Variants in SASH1 observed in about 807,000 individuals in gnomAD.
SASH1 encodes the protein SAM and SH3 domain-containing protein 1.
SASH1 carries 44 observed loss-of-function variants against 125.2 expected under a neutral mutation model. The observed-to-expected ratio is 0.35, with a 90% CI of 0.28 to 0.45. The LOEUF (loss-of-function observed/expected upper bound fraction) is 0.45. SASH1 is among the 20% of genes least tolerant of loss of function. SASH1 has a pLI of 1.00. For missense variants in SASH1, 1,426 were observed against 1,614.5 expected (o/e 0.88, Z 2.00); for synonymous variants, 639 against 649.1 (o/e 0.98, Z 0.24).
intron 18 of SASH1, among the ~76,000 whole-genome samples, chr6:148,545,419 G>A (rs1171206275): frequency 6.6e-6 from 1 of 152,188 alleles, no homozygotes; most frequent in Non-Finnish European, 1.5e-5. Context: ...GATATTTCCT[G>A]AGTGAATGTC....
In SASH1 at chr6:148,540,471, G is replaced by A; in HGVS notation, c.2124G>A (p.Glu708=). ...ACAGCGACCAGTCAGGATCCCAGGAGAAGCTGCTCGTTGACAGCCAGGGCC... is the reference window on the plus strand; with the variant it reads ...ACAGCGACCAGTCAGGATCCCAGGAAAAGCTGCTCGTTGACAGCCAGGGCC... The part of the protein sequence containing the change: ...DSNSDQSGSQ[E]KLLVDSQGLS... Residue 708 remains glutamate, a synonymous_variant, in exon 17 of 20, where the codon GAG becomes GAA. Coordinates refer to ENST00000367467, the MANE Select transcript of SASH1 (RefSeq NM_015278.5). The A allele has an allele frequency of 6.2e-7, 1 of 1,614,060 alleles. No homozygotes were observed.
chr6:148,358,280 G>A (rs879348969), intron 1 of SASH1, among the ~76,000 whole-genome samples: 5 of 152,136 alleles, frequency 3.3e-5, no homozygotes, highest in East Asian at 1.9e-4. Context: ...GTAGGTCACC[G>A]ATGGCTCCCA....
intron 1 of SASH1, among the ~76,000 whole-genome samples, chr6:148,372,046 A>G (rs540588779): frequency 6.6e-6 from 1 of 152,314 alleles, no homozygotes; most frequent in African/African-American, 2.4e-5. Context: ...ATTTTTATAA[A>G]ATGGGATAAT....
intron 1 of SASH1, among the ~76,000 whole-genome samples, chr6:148,316,198 A>T (rs1413055609): frequency 6.6e-6 from 1 of 152,180 alleles, no homozygotes; most frequent in East Asian, 1.9e-4. Context: ...TTTCTTGTCA[A>T]GTTTTACCCT....
chr6:148,425,785 G>A (rs1775793706), intron 2 of SASH1, among the ~76,000 whole-genome samples: 2 of 140,864 alleles, frequency 1.4e-5, no homozygotes, highest in South Asian at 4.7e-4. Flanking sequence ...AGGCTGGAAT[G>A]CAATGGCACA....
the SASH1 span, among the ~76,000 whole-genome samples, chr6:148,214,197 A>G: frequency 1.3e-5 from 2 of 152,198 alleles, no homozygotes; most frequent in Non-Finnish European, 1.5e-5. Flanking sequence ...ACTGAGGTCT[A>G]ATTCTGATTT....
the SASH1 span, among the ~76,000 whole-genome samples, chr6:148,254,023 T>C: frequency 6.6e-6 from 1 of 151,938 alleles, no homozygotes; most frequent in African/African-American, 2.4e-5. Context: ...CTGGACAACA[T>C]GGTGGAACTC....
At chr6:148,226,090 A>C in the SASH1 span, among the ~76,000 whole-genome samples, 1 of 152,222 alleles carries the variant, frequency 6.6e-6, no homozygotes, top group Non-Finnish European at 1.5e-5. Flanking sequence ...TCTCTGGGGA[A>C]ACAAACAGGC....
intron 2 of SASH1, among the ~76,000 whole-genome samples, chr6:148,408,354 C>T (rs999381455): frequency 1.3e-5 from 2 of 152,116 alleles, no homozygotes; most frequent in South Asian, 2.1e-4. Context: ...GATCCGCCCG[C>T]CTCAGCCTCC....
chr6:148,380,701 A>G (rs1160468307), intron 1 of SASH1, among the ~76,000 whole-genome samples: 1 of 152,074 alleles, frequency 6.6e-6, no homozygotes, highest in Non-Finnish European at 1.5e-5. Context: ...TTTTCTCCAC[A>G]TTTTCAAGTT....
At chr6:148,547,513 T>C (rs1782641380) in intron 19 of SASH1, among the ~76,000 whole-genome samples, 2 of 152,238 alleles carry the variant, frequency 1.3e-5, no homozygotes, top group Non-Finnish European at 2.9e-5. Flanking sequence ...CAAAGTATTC[T>C]AGTAGGTCAG....
intron 1 of SASH1, among the ~76,000 whole-genome samples, chr6:148,301,455 A>C (rs1431860131): frequency 6.6e-6 from 1 of 151,650 alleles, no homozygotes; most frequent in East Asian, 2.0e-4. Context: ...TGGTAGAGAC[A>C]GGGTTTCGCC....
intron 4 of SASH1, among the ~76,000 whole-genome samples, chr6:148,443,417 A>G (rs1324855290): frequency 6.8e-6 from 1 of 147,900 alleles, no homozygotes; most frequent in Non-Finnish European, 1.5e-5. Context: ...AGAAGTTACA[A>G]TTTCTTCTTT....
chr6:148,321,443 A>C (rs992390975), intron 1 of SASH1, among the ~76,000 whole-genome samples: 2 of 152,064 alleles, frequency 1.3e-5, no homozygotes, highest in Non-Finnish European at 2.9e-5. Flanking sequence ...ATGAAAGATC[A>C]AAATGAAGCT....
chr6:148,269,704 A>G (rs1237383523), upstream of SASH1, among the ~76,000 whole-genome samples: 1 of 152,140 alleles, frequency 6.6e-6, no homozygotes, highest in Non-Finnish European at 1.5e-5. Context: ...TAAAGATCCT[A>G]TCTTCAAATA....
chr6:148,470,107 T>C (rs1395489110), intron 5 of SASH1, among the ~76,000 whole-genome samples: 5 of 151,922 alleles, frequency 3.3e-5, no homozygotes, highest in East Asian at 1.9e-4. Context: ...AAGAGCAAGA[T>C]TGAGTTAATA....
intron 1 of SASH1, among the ~76,000 whole-genome samples, chr6:148,363,096 G>A (rs1562352715): frequency 6.6e-6 from 1 of 152,174 alleles, no homozygotes; most frequent in Non-Finnish European, 1.5e-5. Context: ...CCTGGCCAAG[G>A]GTTTTGGGCA....
intron 1 of SASH1, among the ~76,000 whole-genome samples, chr6:148,349,218 G>A (rs1413573086): frequency 7.6e-6 from 1 of 131,868 alleles, no homozygotes; most frequent in Admixed American, 7.5e-5. Flanking sequence ...TTTTGGAAAA[G>A]TAACTTTTTT....
intron 10 of SASH1, chr6:148,520,155 A>G (rs1583293315): frequency 2.2e-6 from 1 of 451,144 alleles, no homozygotes; most frequent in Non-Finnish European, 4.0e-6. Context: ...GCGCGGGCGC[A>G]CCTCGGTCAG....
Sources: gnomAD v4.1 joint callset for allele counts (sites outside exome capture counted in the v4.1 genomes callset) on GRCh38, gnomAD v4.1.1 for gene constraint, MANE v1.5 for transcripts, NCBI Gene and HGNC (gene_info 2026-07-23, HGNC 2026-07-21) for gene names.